Variants in SOD2 observed in about 807,000 individuals in gnomAD.
The protein encoded by SOD2 is superoxide dismutase 2, also known as superoxide dismutase [Mn], mitochondrial.
In SOD2, 11 loss-of-function variants were observed where a neutral mutation model predicts 27.0. The observed-to-expected ratio is 0.41, with a 90% CI of 0.26 to 0.67. The LOEUF (loss-of-function observed/expected upper bound fraction) is 0.67. Among genes scored for constraint, SOD2 ranks in the 30% least tolerant of loss-of-function variants. SOD2 has a pLI of 0.34. For synonymous variants in SOD2, 105 were observed against 103.0 expected, an observed-to-expected ratio of 1.02 and a Z score of -0.12; for missense variants, 250 against 274.5, an observed-to-expected ratio of 0.91 and a Z score of 0.63.
intron 1 of SOD2, among the ~76,000 whole-genome samples, chr6:159,718,394 G>T (rs1445246286): frequency 6.6e-6 from 1 of 151,996 alleles, no homozygotes; most frequent in Non-Finnish European, 1.5e-5. Flanking sequence ...ACATACATGG[G>T]AACGCAGATA....
At chr6:159,727,143 T>C (rs1461797945) in exon 1 of SOD2, 3 of 1,193,178 alleles carry the variant, frequency 2.5e-6, no homozygotes, top group African/African-American at 3.2e-5. Flanking sequence ...CTTGCTGAGC[T>C]CCGGGGCCCG....
intron 1 of SOD2, among the ~76,000 whole-genome samples, chr6:159,710,579 C>T (rs1777715885): frequency 6.6e-6 from 1 of 152,162 alleles, no homozygotes; most frequent in South Asian, 2.1e-4. Flanking sequence ...CATAAGTGCA[C>T]TGCTTTTATA....
intron 1 of SOD2, chr6:159,741,626 A>G (rs566628676): frequency 1.3e-5 from 2 of 155,858 alleles, no homozygotes; most frequent in African/African-American, 2.4e-5. Flanking sequence ...AACCTTCTCT[A>G]TATATCTCTT....
intron 1 of SOD2, among the ~76,000 whole-genome samples, chr6:159,721,542 AT>A (rs1171041521): frequency 6.6e-6 from 1 of 150,818 alleles, no homozygotes; most frequent in Non-Finnish European, 1.5e-5. Context: ...CTAATTTTGT[AT>A]TTTTAGTAGA....
In SOD2 at chr6:159,685,084, T is replaced by C. The variant is rs1780121246; in HGVS notation, c.344-51A>G. 2.8e-6 allele frequency: 4 copies of C among 1,406,244 alleles called. No homozygotes were observed. In the East Asian group the frequency reaches 7.3e-5, roughly 26 times the overall value. 87.1% of individuals were successfully genotyped at this position (1,406,244 alleles called of 1,614,324 possible). A position where few individuals can be genotyped will look rare whatever the true frequency, so the allele number is the denominator to read the frequency against. On this transcript the variant is annotated intron_variant, in intron 3 of 4. Coordinates refer to ENST00000538183, the MANE Select transcript of SOD2 (RefSeq NM_000636.4). ...CCCACAAATGAACAGATTTCAATAATTACAGTAAAATGTTATATTACATGT... is the reference window on the plus strand; with the variant it reads ...CCCACAAATGAACAGATTTCAATAACTACAGTAAAATGTTATATTACATGT...
rs1188104649 is a variant in SOD2 at position 159,682,506 on chromosome 6, G to A, written c.656C>T (p.Ala219Val). The part of the protein sequence containing the change: ...NWENVTERYM[A>V]CKK Reference sequence around the variant, plus strand: ...AACGATCGTGGTTTACTTTTTGCAAGCCATGTATCTTTCAGTTACATTCTC... The same window carrying A: ...AACGATCGTGGTTTACTTTTTGCAAACCATGTATCTTTCAGTTACATTCTC... The change falls in exon 5 of 5, where the codon GCT becomes GTT. Residue 219 changes from alanine to valine, a missense_variant. Coordinates refer to ENST00000538183, the MANE Select transcript of SOD2 (RefSeq NM_000636.4). The A allele has an allele frequency of 2.5e-6, 4 of 1,613,246 alleles. No homozygotes were observed. The highest frequency in any genetic ancestry group is 2.2e-5 in the South Asian group (2 of 90,918).
intron 2 of SOD2, chr6:159,691,696 T>C (rs1230578106): frequency 6.7e-6 from 1 of 149,212 alleles, no homozygotes; most frequent in Non-Finnish European, 1.5e-5. Flanking sequence ...AAAGTCCACA[T>C]ACCCCTGGTT....
In SOD2 at chr6:159,674,311, C is replaced by A. The variant is rs1413349390; in HGVS notation, c.*8182G>T. Reference sequence around the variant, plus strand: ...ATAACAAAAAAAGAGAACTTTAGACCAATATCCCTGATGAAAATCAATGCA... The same window carrying A: ...ATAACAAAAAAAGAGAACTTTAGACAAATATCCCTGATGAAAATCAATGCA... On this transcript the variant is annotated 3_prime_UTR_variant, in exon 5 of 5. Coordinates refer to ENST00000538183, the MANE Select transcript of SOD2 (RefSeq NM_000636.4). 2 of 152,310 alleles carry A rather than the reference C, an allele frequency of 1.3e-5. No homozygotes were observed. Among genetic ancestry groups the A allele is most frequent in the East Asian group, 3.9e-4 (2 of 5,192 alleles). The allele number at this position is 152,310 out of a possible 1,614,324, so 9.4% of individuals were successfully genotyped here. A position where few individuals can be genotyped will look rare whatever the true frequency, so the allele number is the denominator to read the frequency against.
At chr6:159,760,358 C>T (rs1214237006) in intron 1 of SOD2, 2 of 150,488 alleles carry the variant, frequency 1.3e-5, no homozygotes, top group Non-Finnish European at 3.0e-5. Context: ...AAACCTCTGC[C>T]TCCTAGGTTC....
In SOD2 at chr6:159,685,219, CTTTTT is replaced by C. The variant is rs750824041; in HGVS notation, c.344-191_344-187del. Among the ~76,000 whole-genome samples the C allele has an allele frequency of 7.3e-3, 541 of 73,928 alleles. 1 individual carries two copies. The highest frequency in any genetic ancestry group is 0.028 in the African/African-American group (515 of 18,552). 48.5% of individuals were successfully genotyped at this position (73,928 alleles called of 152,430 possible). The stretch of plus-strand genomic sequence containing the variant: ...ACGTTTTTGTTTTTTATAACTTCAA[CTTTTT>C]TTTTTTTTTTTTTTTTTTTTCATTT... On this transcript the variant is annotated intron_variant, in intron 3 of 4. Transcript: ENST00000538183.
intron 1 of SOD2, among the ~76,000 whole-genome samples, chr6:159,712,604 C>T (rs1326766374): frequency 7.0e-6 from 1 of 143,136 alleles, no homozygotes. Flanking sequence ...CCACAACGAC[C>T]ACTCAGCTGC....
At chr6:159,733,965 C>CA (rs1192481094) in intron 1 of SOD2, among the ~76,000 whole-genome samples, 2 of 152,168 alleles carry the variant, frequency 1.3e-5, no homozygotes, top group Non-Finnish European at 2.9e-5. Flanking sequence ...AATCTAAGAT[C>CA]AATTTATGAT....
intron 2 of SOD2, chr6:159,692,318 C>CA (rs987160194): frequency 2.8e-4 from 269 of 950,704 alleles, no homozygotes; most frequent in Middle Eastern, 5.1e-4. Flanking sequence ...TTTCAATTTG[C>CA]AAAAAAAACG....
chr6:159,733,035 G>A (rs1436454030), intron 1 of SOD2, among the ~76,000 whole-genome samples: 1 of 152,024 alleles, frequency 6.6e-6, no homozygotes, highest in Admixed American at 6.6e-5. Flanking sequence ...GAAGTAGTTA[G>A]ACATGTGGAG....
intron 1 of SOD2, among the ~76,000 whole-genome samples, chr6:159,717,146 G>GAA (rs1777934611): frequency 6.6e-6 from 1 of 152,124 alleles, no homozygotes; most frequent in African/African-American, 2.4e-5. Context: ...CCAGTAGCTG[G>GAA]ACAAGCCTGT....
chr6:159,745,416 A>C (rs1659199842), upstream of SOD2, among the ~76,000 whole-genome samples: 1 of 151,382 alleles, frequency 6.6e-6, no homozygotes, highest in African/African-American at 2.4e-5. Flanking sequence ...TTCAACTATA[A>C]TGGAACCTAA....
intron 1 of SOD2, among the ~76,000 whole-genome samples, chr6:159,705,284 G>A (rs113385734): frequency 0.013 from 1,999 of 152,320 alleles, 45 homozygotes; most frequent in African/African-American, 0.042. Flanking sequence ...TGACTTTGAC[G>A]AGTTGAGAGA....
At chr6:159,727,395 A>AGGCGGGAGGCGGGG (rs1319708641), upstream of SOD2, 7 of 1,049,124 alleles carry the variant, frequency 6.7e-6, no homozygotes, top group African/African-American at 2.2e-5. Flanking sequence ...GGGAGGCGGG[A>AGGCGGGAGGCGGGG]GGCGGGAGGC....
At chr6:159,714,026 T>G in intron 1 of SOD2, 1 of 703,678 alleles carries the variant, frequency 1.4e-6, no homozygotes, top group Non-Finnish European at 2.4e-6. Context: ...TTTGGCGGAA[T>G]GCAATTTTGG....
Sources: allele counts gnomAD v4.1 joint callset (sites outside exome capture counted in the v4.1 genomes callset), GRCh38; gene constraint gnomAD v4.1.1; transcripts MANE v1.5; gene names NCBI Gene and HGNC (gene_info 2026-07-23, HGNC 2026-07-21).